The following DTD1 variants were observed in gnomAD, a reference collection of about 807,000 sequenced individuals.
DTD1 encodes the protein D-tyrosyl-tRNA deacylase 1 homolog.
A neutral mutation model predicts 25.6 loss-of-function variants in DTD1; 13 were observed. The ratio of observed to expected loss-of-function variants is 0.51; its 90% CI spans 0.33 to 0.81. The LOEUF is 0.81. DTD1 is among the 30% of genes least tolerant of loss of function. DTD1 has a pLI of 0.02. For synonymous variants in DTD1, 110 were observed against 103.6 expected (o/e 1.06, Z -0.37); for missense variants, 193 against 266.4 (o/e 0.72, Z 1.92).
At chr20:18,632,322 C>A (rs1050355709) in intron 4 of DTD1, 10 of 985,308 alleles carry the variant, frequency 1.0e-5, no homozygotes, top group African/African-American at 5.2e-5. Context: ...TTACATGGAC[C>A]AGTTTCCTGG....
At chr20:18,608,510 T>C (rs986910131) in intron 3 of DTD1, among the ~76,000 whole-genome samples, 1 of 152,258 alleles carries the variant, frequency 6.6e-6, no homozygotes, top group African/African-American at 2.4e-5. Context: ...TGCTCTTGTT[T>C]TTCTAGTTTC....
At position 18,625,894 on chromosome 20, in the gene DTD1, A is replaced by G. The variant is rs144066136; in HGVS notation, c.371-2233A>G. On this transcript the variant is annotated intron_variant, in intron 3 of 5. Coordinates refer to ENST00000377452, the MANE Select transcript of DTD1 (RefSeq NM_080820.6). ...GCTTACTGTCTAGTGCCCATGTCCCATACTGGTCCCCAAAGGTTGGCTGAG... is the reference window on the plus strand; with the variant it reads ...GCTTACTGTCTAGTGCCCATGTCCCGTACTGGTCCCCAAAGGTTGGCTGAG... Among the ~76,000 whole-genome samples, 621 of 152,334 alleles carry G rather than the reference A, an allele frequency of 4.1e-3. 2 individuals are homozygous for G. Among genetic ancestry groups the G allele is most frequent in the African/African-American group, 0.014 (567 of 41,576 alleles).
intron 4 of DTD1, among the ~76,000 whole-genome samples, chr20:18,727,376 T>C (rs897169401): frequency 6.6e-6 from 1 of 152,000 alleles, no homozygotes; most frequent in African/African-American, 2.4e-5. Flanking sequence ...GGGTTTAGAA[T>C]TCCTGGAGGG....
chr20:18,659,381 C>T (rs560960772), intron 4 of DTD1, among the ~76,000 whole-genome samples: 1 of 152,158 alleles, frequency 6.6e-6, no homozygotes, highest in Non-Finnish European at 1.5e-5. Context: ...TTTCCTCCCT[C>T]CCTTTATGAA....
Position 18,596,181 on chromosome 20 carries a change from G to T in DTD1, c.310G>T (p.Gly104Cys), listed in dbSNP as rs776645097. The change falls in exon 3 of 6, where the codon GGC becomes TGC. Residue 104 changes from glycine (G) to cysteine (C), a missense_variant. Gly to Cys is a radical substitution (Grantham distance 159, BLOSUM62 -3). Coordinates refer to ENST00000377452, the MANE Select transcript of DTD1 (RefSeq NM_080820.6). ...HLAMPTEQAE[G>C]FYNSFLEQLR... Reference sequence around the variant, plus strand: ...AGCAATGCCCACGGAGCAGGCAGAGGGCTTCTACAACAGCTTCCTGGAGCA... The same window carrying T: ...AGCAATGCCCACGGAGCAGGCAGAGTGCTTCTACAACAGCTTCCTGGAGCA... 124 of 1,613,984 alleles carry T rather than the reference G, an allele frequency of 7.7e-5. No individual in the cohort carries two copies. The highest frequency in any genetic ancestry group is 8.1e-5 in the Non-Finnish European group (95 of 1,180,018).
At chr20:18,735,888 C>CT (rs1014084623) in intron 4 of DTD1, among the ~76,000 whole-genome samples, 24 of 152,046 alleles carry the variant, frequency 1.6e-4, no homozygotes, top group Non-Finnish European at 2.9e-4. Flanking sequence ...GATTTAAGGA[C>CT]TTTTTTGCTT....
intron 4 of DTD1, among the ~76,000 whole-genome samples, chr20:18,680,382 C>T (rs1417900530): frequency 6.8e-6 from 1 of 147,396 alleles, no homozygotes; most frequent in African/African-American, 2.5e-5. Context: ...TTTGTAGAGA[C>T]ACTCTTTATC....
intron 3 of DTD1, among the ~76,000 whole-genome samples, chr20:18,597,810 T>C (rs148422725): frequency 1.3e-5 from 2 of 152,356 alleles, no homozygotes; most frequent in African/African-American, 4.8e-5. Context: ...TCTTGCTTCC[T>C]TCTTTGGGCT....
At chr20:18,621,243 T>G (rs527504237) in intron 3 of DTD1, among the ~76,000 whole-genome samples, 9 of 152,338 alleles carry the variant, frequency 5.9e-5, no homozygotes, top group Admixed American at 4.6e-4. Context: ...AGAATGTCCC[T>G]CATTTTGTGT....
intron 4 of DTD1, among the ~76,000 whole-genome samples, chr20:18,693,211 T>C (rs916993969): frequency 6.6e-6 from 1 of 152,204 alleles, no homozygotes; most frequent in Non-Finnish European, 1.5e-5. Context: ...TATCCTTTGC[T>C]TTTCTTTTTG....
intron 4 of DTD1, chr20:18,632,746 TA>T: frequency 1.2e-6 from 1 of 811,352 alleles, no homozygotes; most frequent in Non-Finnish European, 1.5e-6. Context: ...ATAAGTTCTT[TA>T]AACTATCTGA....
At chr20:18,759,294 T>G (rs2061351762) in intron 5 of DTD1, among the ~76,000 whole-genome samples, 1 of 152,188 alleles carries the variant, frequency 6.6e-6, no homozygotes, top group Non-Finnish European at 1.5e-5. Flanking sequence ...GTTAGCTGGT[T>G]ATTTTGCTCG....
chr20:18,761,802 A>G (rs1352284354), intron 5 of DTD1, among the ~76,000 whole-genome samples: 2 of 152,240 alleles, frequency 1.3e-5, no homozygotes, highest in Non-Finnish European at 2.9e-5. Context: ...ACAAGTATGA[A>G]TAGTCCCCAG....
chr20:18,654,136 C>T (rs1340241092), intron 4 of DTD1, among the ~76,000 whole-genome samples: 2 of 152,192 alleles, frequency 1.3e-5, no homozygotes, highest in African/African-American at 4.8e-5. Context: ...TTGGCTGTGT[C>T]CCCACCCAAA....
chr20:18,686,907 A>C lies in DTD1; in HGVS notation c.478-57193A>C, dbSNP rs2061019301. On this transcript the variant is annotated intron_variant, in intron 4 of 5. Transcript: ENST00000377452. ...GCACCACCACAATGCAGACTCACTC[A>C]GGCCTTCCACAAATATTTATTTAGC... is the stretch of plus-strand genomic sequence containing the variant. Among the ~76,000 whole-genome samples the C allele has an allele frequency of 2.0e-5, 3 of 152,208 alleles. No homozygotes were observed. The South Asian group carries it at 6.2e-4, about 32-fold the overall frequency.
At chr20:18,636,344 T>C (rs746700162) in intron 4 of DTD1, among the ~76,000 whole-genome samples, 5 of 152,196 alleles carry the variant, frequency 3.3e-5, no homozygotes, top group Non-Finnish European at 5.9e-5. Context: ...TACCAGGAGC[T>C]TCACAGTCCC....
chr20:18,606,842 G>A (rs1337433474), intron 3 of DTD1, among the ~76,000 whole-genome samples: 2 of 149,192 alleles, frequency 1.3e-5, no homozygotes, highest in Admixed American at 6.7e-5. Context: ...ACGAGTTAGT[G>A]GGTGTAGCGC....
chr20:18,735,011 C>T (rs1220457503), intron 4 of DTD1, among the ~76,000 whole-genome samples: 1 of 152,192 alleles, frequency 6.6e-6, no homozygotes, highest in Non-Finnish European at 1.5e-5. Context: ...GGCGAGAATG[C>T]TGAGTAATCC....
chr20:18,588,976 A>C (rs976415174), intron 1 of DTD1: 10 of 728,668 alleles, frequency 1.4e-5, no homozygotes, highest in Non-Finnish European at 1.7e-5. Flanking sequence ...ATATTGTTTC[A>C]GTTCAAATAA....
Sources: allele counts gnomAD v4.1 joint callset (sites outside exome capture counted in the v4.1 genomes callset), GRCh38; gene constraint gnomAD v4.1.1; transcripts MANE v1.5; gene names NCBI Gene and HGNC (gene_info 2026-07-23, HGNC 2026-07-21).